MARCHF11: variants seen among roughly 807,000 people sequenced by gnomAD.
MARCHF11 encodes membrane associated ring-CH-type finger 11, also known as E3 ubiquitin-protein ligase MARCHF11.
Under a neutral mutation model 37.3 loss-of-function variants are expected in MARCHF11, and 29 were observed. The observed-to-expected ratio is 0.78, with a 90% CI of 0.58 to 1.06. The LOEUF (loss-of-function observed/expected upper bound fraction) is 1.06, where lower values mean the gene tolerates loss of function less well. Among genes scored for constraint, MARCHF11 ranks in the 50% least tolerant of loss-of-function variants. The probability of loss-of-function intolerance (pLI) is 0.00; values close to 1 mark genes in which losing one functional copy is unlikely to be tolerated. For missense variants in MARCHF11, 482 were observed against 533.4 expected (o/e 0.90, Z 0.95); for synonymous variants, 233 against 228.0 (o/e 1.02, Z -0.20).
chr5:16,130,027 A>G (rs2126583426), intron 2 of MARCHF11, among the ~76,000 whole-genome samples: 1 of 152,300 alleles, frequency 6.6e-6, no homozygotes, highest in Admixed American at 6.5e-5. Context: ...CATTTTCAAG[A>G]AAATCAATAG....
chr5:16,151,853 GT>G (rs1418168426), intron 2 of MARCHF11, among the ~76,000 whole-genome samples: 3 of 149,966 alleles, frequency 2.0e-5, no homozygotes, highest in East Asian at 1.9e-4. Flanking sequence ...AAAATAATGA[GT>G]TTTTTAGTTT....
At chr5:16,150,730 T>C (rs1489347288) in intron 2 of MARCHF11, among the ~76,000 whole-genome samples, 1 of 152,070 alleles carries the variant, frequency 6.6e-6, no homozygotes, top group Non-Finnish European at 1.5e-5. Flanking sequence ...GTTCCTATTT[T>C]CAGGACTCCC....
chr5:16,177,990 G>T, intron 1 of MARCHF11, 109 bp from the exon 2 acceptor site: 5 of 1,046,882 alleles, frequency 4.8e-6, no homozygotes, highest in Non-Finnish European at 6.6e-6. Flanking sequence ...TACAGCATCA[G>T]GCTCTATCAT....
In MARCHF11 at chr5:16,160,291, T is replaced by A. The variant is rs1424461181; in HGVS notation, c.693+17435A>T. On this transcript the variant is annotated intron_variant, in intron 2 of 3. Transcript: ENST00000332432. ...ATATTTATATTAAATATTTAATATT[T>A]ATATTTATATATTTAATATTTAATA... Among the ~76,000 whole-genome samples the A allele has an allele frequency of 4.4e-5, 6 of 137,322 alleles. No individual in the cohort carries two copies. In the East Asian group the frequency reaches 1.3e-3, roughly 29 times the overall value. 90.1% of individuals were successfully genotyped at this position (137,322 alleles called of 152,430 possible). A position where few individuals can be genotyped will look rare whatever the true frequency, so the allele number is the denominator to read the frequency against.
chr5:16,122,409 A>G (rs1391446628), intron 2 of MARCHF11, among the ~76,000 whole-genome samples: 1 of 152,180 alleles, frequency 6.6e-6, no homozygotes, highest in Non-Finnish European at 1.5e-5. Context: ...AATCTGGAAT[A>G]CCAGTGCTCA....
chr5:16,121,590 G>A (rs1397194947), intron 2 of MARCHF11, among the ~76,000 whole-genome samples: 1 of 152,206 alleles, frequency 6.6e-6, no homozygotes, highest in African/African-American at 2.4e-5. Context: ...AGGCATCACT[G>A]AAGAGGTGAC....
At chr5:16,070,428 G>A (rs1037470883) in intron 3 of MARCHF11, among the ~76,000 whole-genome samples, 3 of 152,136 alleles carry the variant, frequency 2.0e-5, no homozygotes, top group African/African-American at 2.4e-5. Flanking sequence ...CTATGTGGTG[G>A]GGAACACACA....
intron 2 of MARCHF11, among the ~76,000 whole-genome samples, chr5:16,170,995 C>T (rs1443542675): frequency 6.6e-6 from 1 of 152,052 alleles, no homozygotes; most frequent in African/African-American, 2.4e-5. Flanking sequence ...TTAACCAAAG[C>T]GACTCCTCAG....
intron 1 of MARCHF11, 105 bp downstream of exon 1, chr5:16,178,934 T>A: frequency 7.7e-7 from 1 of 1,294,354 alleles, no homozygotes; most frequent in Non-Finnish European, 9.9e-7. Flanking sequence ...CGAGCCTCAC[T>A]GGAGGCAAAC....
chr5:16,078,825 T>C (rs1418151627), intron 3 of MARCHF11, among the ~76,000 whole-genome samples: 1 of 152,148 alleles, frequency 6.6e-6, no homozygotes, highest in Non-Finnish European at 1.5e-5. Flanking sequence ...CCATGTTGAT[T>C]TGGCCTCTTA....
At position 16,103,992 on chromosome 5, in the gene MARCHF11, G is replaced by A. The variant is rs79396270; in HGVS notation, c.694-12911C>T. Among the ~76,000 whole-genome samples the A allele has an allele frequency of 5.1e-3, 773 of 152,140 alleles. 5 individuals are homozygous for A. The highest frequency in any genetic ancestry group is 0.018 in the African/African-American group (736 of 41,488). ...ACAAATCACCCAGCAGAACCCTTTC[G>A]GACCATAAAATTGTGAGCAAAAGGA... On this transcript the variant is annotated intron_variant, in intron 2 of 3. Transcript: ENST00000332432.
chr5:16,167,062 G>A (rs1329604303), intron 2 of MARCHF11, among the ~76,000 whole-genome samples: 2 of 147,790 alleles, frequency 1.4e-5, no homozygotes, highest in Non-Finnish European at 3.0e-5. Flanking sequence ...ATTGTAAGCT[G>A]AGGAGCATAC....
At chr5:16,168,003 C>T (rs964513932) in intron 2 of MARCHF11, among the ~76,000 whole-genome samples, 2 of 151,988 alleles carry the variant, frequency 1.3e-5, no homozygotes, top group African/African-American at 4.8e-5. Context: ...ATCTTCCAGA[C>T]CAAAAAATAA....
intron 2 of MARCHF11, among the ~76,000 whole-genome samples, chr5:16,115,149 G>A (rs567405560): frequency 1.3e-5 from 2 of 152,296 alleles, no homozygotes; most frequent in East Asian, 3.9e-4. Context: ...AGGGCATTTT[G>A]CAAGAAGAAT....
intron 2 of MARCHF11, among the ~76,000 whole-genome samples, chr5:16,172,555 A>AT (rs1353885687): frequency 6.6e-6 from 1 of 152,220 alleles, no homozygotes; most frequent in East Asian, 1.9e-4. Flanking sequence ...ATATGCAGAC[A>AT]TTTTTAAGCC....
intron 3 of MARCHF11, among the ~76,000 whole-genome samples, chr5:16,087,911 T>C (rs1006052144): frequency 6.6e-6 from 1 of 152,224 alleles, no homozygotes; most frequent in Non-Finnish European, 1.5e-5. Flanking sequence ...GATAACATTT[T>C]TGGATTCTGG....
intron 2 of MARCHF11, among the ~76,000 whole-genome samples, chr5:16,106,656 C>G (rs915161580): frequency 6.6e-5 from 10 of 152,322 alleles, no homozygotes; most frequent in African/African-American, 2.4e-4. Context: ...CTACCCTACC[C>G]TATCACCAGG....
At chr5:16,071,642 A>C (rs965058197) in intron 3 of MARCHF11, among the ~76,000 whole-genome samples, 2 of 152,250 alleles carry the variant, frequency 1.3e-5, no homozygotes, top group African/African-American at 2.4e-5. Flanking sequence ...GTGCACACAC[A>C]TACACATACC....
chr5:16,073,608 A>AAT (rs957707492), intron 3 of MARCHF11, among the ~76,000 whole-genome samples: 1 of 149,470 alleles, frequency 6.7e-6, no homozygotes, highest in Non-Finnish European at 1.5e-5. Flanking sequence ...AATATATAAT[A>AAT]ATATATATAG....
Sources: gnomAD v4.1 joint callset for allele counts (sites outside exome capture counted in the v4.1 genomes callset) on GRCh38, gnomAD v4.1.1 for gene constraint, MANE v1.5 for transcripts, NCBI Gene and HGNC (gene_info 2026-07-23, HGNC 2026-07-21) for gene names.